The following TBC1D9B variants were observed in gnomAD, a reference collection of about 807,000 sequenced individuals.
TBC1D9B encodes TBC1 domain family member 9B.
TBC1D9B carries 87 observed loss-of-function variants against 121.1 expected under a neutral mutation model. The observed-to-expected ratio is 0.72, with a 90% CI of 0.60 to 0.86. The LOEUF is 0.86. Among genes scored for constraint, TBC1D9B ranks in the 40% least tolerant of loss-of-function variants. The pLI is 0.00. For synonymous variants in TBC1D9B, 668 were observed against 670.1 expected (o/e 1.00, Z 0.05); for missense variants, 1,540 against 1,628.6 (o/e 0.95, Z 0.94).
chr5:179,862,391 C>T lies in TBC1D9B; in HGVS notation c.*1057G>A, dbSNP rs1176195422. Reference sequence around the variant, plus strand: ...GTGGCTCCAGCCCTGGGGCCCCCTGCGGTCACCTTTGGCTCCACAGTCTGG... The same window carrying T: ...GTGGCTCCAGCCCTGGGGCCCCCTGTGGTCACCTTTGGCTCCACAGTCTGG... On this transcript the variant is annotated 3_prime_UTR_variant, in exon 21 of 21. Transcript: ENST00000355235. 8.5e-6 allele frequency: 3 copies of T among 352,432 alleles called. No homozygotes were observed. Among genetic ancestry groups the T allele is most frequent in the Admixed American group, 3.2e-5 (1 of 30,966 alleles). 21.8% of individuals were successfully genotyped at this position (352,432 alleles called of 1,614,324 possible).
chr5:179,869,723 G>T, intron 17 of TBC1D9B, 46 bp downstream of exon 17: 1 of 1,602,964 alleles, frequency 6.2e-7, no homozygotes. Flanking sequence ...CTGAACTTCT[G>T]GACAAGTGGG....
chr5:179,869,296 C>T (rs1041034067), intron 17 of TBC1D9B: 6 of 341,128 alleles, frequency 1.8e-5, no homozygotes, highest in Non-Finnish European at 3.5e-5. Context: ...GCCCCCTGCA[C>T]AGACAGCCTG....
At chr5:179,878,822 G>A (rs1177276803) in intron 9 of TBC1D9B, among the ~76,000 whole-genome samples, 2 of 152,150 alleles carry the variant, frequency 1.3e-5, no homozygotes, top group Non-Finnish European at 2.9e-5. Context: ...GGCACCACCC[G>A]GCCAGCAGAG....
Position 179,899,349 on chromosome 5 carries a change from C to T in TBC1D9B, c.230-42G>A, listed in dbSNP as rs542574767. On this transcript the variant is annotated intron_variant, in intron 2 of 20. Transcript: ENST00000355235. ...AAAGTAAAAGAAAAATCATGAATTCCCCAGGCCTTAAACGCACATTCAAAG... is the reference window on the plus strand; with the variant it reads ...AAAGTAAAAGAAAAATCATGAATTCTCCAGGCCTTAAACGCACATTCAAAG... The T allele has an allele frequency of 4.9e-5, 77 of 1,559,812 alleles. 1 individual carries two copies. The Admixed American group carries it at 1.2e-3, about 25-fold the overall frequency.
Position 179,875,530 on chromosome 5 carries a change from G to A in TBC1D9B, c.1901-343C>T, listed in dbSNP as rs552937753. 3.3e-5 allele frequency among the ~76,000 whole-genome samples: 5 copies of A among 152,210 alleles called. No individual in the cohort carries two copies. Among genetic ancestry groups the A allele is most frequent in the South Asian group, 2.1e-4 (1 of 4,812 alleles). ...CGCAGCTCTGAAGGACCCCAAGAGC[G>A]GTAACTCCAAACACCAGACAGCAGG... On this transcript the variant is annotated intron_variant, in intron 11 of 20. Transcript: ENST00000355235. This position sits in a 1 kb window ranked among gnomAD's most constrained non-coding sequence, Gnocchi z 4.5.
At chr5:179,867,127 G>A (rs1255521895) in intron 18 of TBC1D9B, 1 of 288,486 alleles carries the variant, frequency 3.5e-6, no homozygotes, top group Non-Finnish European at 6.6e-6. Context: ...GCCACACTGT[G>A]TCTTTCACAC....
intron 3 of TBC1D9B, among the ~76,000 whole-genome samples, chr5:179,898,335 A>C (rs1020444535): frequency 6.6e-6 from 1 of 151,868 alleles, no homozygotes; most frequent in African/African-American, 2.4e-5. Context: ...TTGTATTTTT[A>C]GTAGAGACAG....
chr5:179,865,482 C>T lies in TBC1D9B; in HGVS notation c.2915-122G>A, dbSNP rs780630767. On this transcript the variant is annotated intron_variant, in intron 19 of 20. Transcript: ENST00000355235. The surrounding 1 kb of genome is among the most constrained non-coding windows in gnomAD (Gnocchi z 5.1). ...TTACCAGGGCCCTATCATAAAACAC[C>T]CTGGCGTTTGGGAAGGTGGTCATGG... The T allele has an allele frequency of 2.4e-5, 22 of 929,034 alleles. No homozygotes were observed. The highest frequency in any genetic ancestry group is 3.7e-5 in the Non-Finnish European group (22 of 593,218). 57.5% of individuals were successfully genotyped at this position (929,034 alleles called of 1,614,324 possible).
Position 179,879,655 on chromosome 5 carries a change from C to G in TBC1D9B, c.1389G>C (p.Ser463=), listed in dbSNP as rs754509621. Residue 463 remains serine, a synonymous_variant, in exon 8 of 21, where the codon TCG becomes TCC. Transcript: ENST00000355235. ...QGLLKLFQKN[S]PMEDLGAKGA... ...CCTTGGCTCCAAGGTCCTCCATGGG[C>G]GAGTTTTTCTGGAAGAGCTTCAGCA... 1 of 1,614,082 alleles carries G rather than the reference C, an allele frequency of 6.2e-7. No individual in the cohort carries two copies. Among genetic ancestry groups the G allele is most frequent in the South Asian group, 1.1e-5 (1 of 91,074 alleles).
At chr5:179,896,361 G>A (rs919042711) in intron 3 of TBC1D9B, among the ~76,000 whole-genome samples, 2 of 152,196 alleles carry the variant, frequency 1.3e-5, no homozygotes, top group Non-Finnish European at 2.9e-5. Context: ...CAGTGCTACC[G>A]CAGCTGCGAT....
In TBC1D9B at chr5:179,888,232, G is replaced by T. The variant is rs2113632200; in HGVS notation, c.1125C>A (p.Phe375Leu). The change falls in exon 7 of 21, where the codon TTC becomes TTA. Residue 375 changes from phenylalanine to leucine, a missense_variant. Coordinates refer to ENST00000355235, the MANE Select transcript of TBC1D9B (RefSeq NM_015043.4). ...CACGGTCTTTCAGGTTGGCAAACAG[G>T]AATGTCATTTTGCTTTTGGTGCTGA... Reference protein sequence around the residue: ...LSISTKSKMTFLFANLKDRDF... With the variant: ...LSISTKSKMTLLFANLKDRDF... 6.2e-7 allele frequency: 1 copy of T among 1,611,908 alleles called. No homozygotes were observed. Among genetic ancestry groups the T allele is most frequent in the Middle Eastern group, 1.7e-4 (1 of 6,042 alleles).
intron 7 of TBC1D9B, among the ~76,000 whole-genome samples, chr5:179,883,440 T>A (rs1223914707): frequency 1.3e-5 from 2 of 152,188 alleles, no homozygotes; most frequent in East Asian, 3.8e-4. Context: ...TTTGTTTGAG[T>A]CTCCTCTGAC....
At chr5:179,886,581 C>G (rs925997140) in intron 7 of TBC1D9B, among the ~76,000 whole-genome samples, 3 of 152,192 alleles carry the variant, frequency 2.0e-5, no homozygotes, top group African/African-American at 7.2e-5. Flanking sequence ...CCCATGCGCT[C>G]ACTGACGTAG....
rs1761363209 is a variant in TBC1D9B, at chr5:179,907,653, C to G, written c.118+51G>C. On this transcript the variant is annotated intron_variant, in intron 1 of 20. Transcript: ENST00000355235. The surrounding 1 kb of genome is among the most constrained non-coding windows in gnomAD (Gnocchi z 5.3). ...GCCCGCCGCCCGCCGCCAGCCCCGC[C>G]GCCAGCCCAGCCGCGGCGCCCACAG... 1.3e-5 allele frequency: 12 copies of G among 943,096 alleles called. 1 individual carries two copies. In the South Asian group the frequency reaches 5.2e-4, roughly 41 times the overall value. The allele number at this position is 943,096 out of a possible 1,614,324, so 58.4% of individuals were successfully genotyped here. A position where few individuals can be genotyped will look rare whatever the true frequency, so the allele number is the denominator to read the frequency against.
chr5:179,887,395 C>A (rs1760720295), intron 7 of TBC1D9B, among the ~76,000 whole-genome samples: 1 of 152,246 alleles, frequency 6.6e-6, no homozygotes, highest in South Asian at 2.1e-4. Flanking sequence ...GCTCAACCAA[C>A]TTAAACAAGA....
rs544891408 is a variant in TBC1D9B at position 179,874,124 on chromosome 5, G to A, written c.2186+778C>T. On this transcript the variant is annotated intron_variant, in intron 12 of 20. Coordinates refer to ENST00000355235, the MANE Select transcript of TBC1D9B (RefSeq NM_015043.4). The surrounding 1 kb of genome is among the most constrained non-coding windows in gnomAD (Gnocchi z 4.3). Reference sequence around the variant, plus strand: ...CCGGACAAATACGCTATGTAGGAGGGTGGGACTGCACAGAGCTCAGGGCAG... The same window carrying A: ...CCGGACAAATACGCTATGTAGGAGGATGGGACTGCACAGAGCTCAGGGCAG... Among the ~76,000 whole-genome samples, 374 of 152,290 alleles carry A rather than the reference G, an allele frequency of 2.5e-3. 1 individual carries two copies. The highest frequency in any genetic ancestry group is 3.7e-3 in the Non-Finnish European group (249 of 68,024).
At position 179,869,481 on chromosome 5, in the gene TBC1D9B, C is replaced by G. The variant is rs140166176; in HGVS notation, c.2791+288G>C. 2.2e-4 allele frequency: 137 copies of G among 611,654 alleles called. No individual in the cohort carries two copies. The African/African-American group carries it at 2.3e-3, about 10-fold the overall frequency. The allele number at this position is 611,654 out of a possible 1,614,324, so 37.9% of individuals were successfully genotyped here. ...CAGCCCTGAAGCTCCACTCATGGCCCTCCTAGTGGGTTTTGGGTCCAGCTG... is the reference window on the plus strand; with the variant it reads ...CAGCCCTGAAGCTCCACTCATGGCCGTCCTAGTGGGTTTTGGGTCCAGCTG... On this transcript the variant is annotated intron_variant, in intron 17 of 20. Transcript: ENST00000355235.
intron 6 of TBC1D9B, among the ~76,000 whole-genome samples, chr5:179,888,931 C>T (rs1490394546): frequency 6.6e-6 from 1 of 152,056 alleles, no homozygotes. Flanking sequence ...TGGGTGGGGG[C>T]ACAGCAGTCA....
At chr5:179,889,777 G>C (rs755706932) in intron 6 of TBC1D9B, among the ~76,000 whole-genome samples, 6 of 151,036 alleles carry the variant, frequency 4.0e-5, no homozygotes, top group Admixed American at 1.3e-4. Context: ...GGGAAGTTGA[G>C]GTGGGAGAAT....
Sources: allele counts gnomAD v4.1 joint callset (sites outside exome capture counted in the v4.1 genomes callset), GRCh38; gene constraint gnomAD v4.1.1; non-coding constraint Gnocchi (gnomAD v3.1); transcripts MANE v1.5; gene names NCBI Gene and HGNC (gene_info 2026-07-23, HGNC 2026-07-21).